The following PIGU variants were observed in gnomAD, a reference collection of about 807,000 sequenced individuals.
PIGU encodes phosphatidylinositol glycan anchor biosynthesis class U, also known as GPI-anchor transamidase component PIGU.
A neutral mutation model predicts 49.9 loss-of-function variants in PIGU; 24 were observed. The observed-to-expected ratio is 0.48, with a 90% CI of 0.35 to 0.68. The LOEUF is 0.68. PIGU is among the 30% of genes least tolerant of loss of function. PIGU has a pLI of 0.01. For synonymous variants in PIGU, 220 were observed against 205.7 expected (o/e 1.07, Z -0.59); for missense variants, 490 against 532.6 (o/e 0.92, Z 0.79).
intron 11 of PIGU, among the ~76,000 whole-genome samples, chr20:34,566,561 C>T (rs959982023): frequency 6.6e-6 from 1 of 152,178 alleles, no homozygotes; most frequent in African/African-American, 2.4e-5. Flanking sequence ...GATGGAGAGA[C>T]AGGGAAATGA....
At chr20:34,635,036 G>A (rs939233940) in intron 5 of PIGU, among the ~76,000 whole-genome samples, 2 of 152,212 alleles carry the variant, frequency 1.3e-5, no homozygotes, top group South Asian at 2.1e-4. Context: ...TCAAGAAGCA[G>A]CTGAGTCTCA....
At chr20:34,635,975 T>C (rs978742585) in intron 5 of PIGU, among the ~76,000 whole-genome samples, 4 of 151,698 alleles carry the variant, frequency 2.6e-5, no homozygotes, top group Non-Finnish European at 4.4e-5. Flanking sequence ...GGTGGATCAC[T>C]TGAGCTCGAG....
chr20:34,569,238 A>T (rs1022829090), intron 11 of PIGU, among the ~76,000 whole-genome samples: 6 of 151,968 alleles, frequency 3.9e-5, no homozygotes, highest in East Asian at 1.9e-4. Flanking sequence ...ATTAAAAAAA[A>T]TTTTTTTGAG....
rs752699065 is a variant in PIGU at position 34,575,236 on chromosome 20, G to A, written c.1062C>T (p.Asn354=). 7.4e-6 allele frequency: 12 copies of A among 1,613,942 alleles called. No individual in the cohort carries two copies. The highest frequency in any genetic ancestry group is 1.6e-4 in the Middle Eastern group (1 of 6,074). ...TGATGATGCAGGTGAGGACAAAGATGTTTCTCAGGACTGCAAAGACAGAGG... is the reference window on the plus strand; with the variant it reads ...TGATGATGCAGGTGAGGACAAAGATATTTCTCAGGACTGCAAAGACAGAGG... ...VWNHLYRFLR[N]IFVLTCIIIV... The change falls in exon 11 of 12, where the codon AAC becomes AAT. Residue 354 remains asparagine, a synonymous_variant. Coordinates refer to ENST00000217446, the MANE Select transcript of PIGU (RefSeq NM_080476.5).
At chr20:34,575,724 C>T (rs776033016) in intron 10 of PIGU, among the ~76,000 whole-genome samples, 1 of 152,194 alleles carries the variant, frequency 6.6e-6, no homozygotes, top group Non-Finnish European at 1.5e-5. Context: ...CTTAGGAACA[C>T]GTTTTCCATT....
intron 11 of PIGU, among the ~76,000 whole-genome samples, chr20:34,565,442 A>C (rs1982707057): frequency 6.6e-6 from 1 of 151,736 alleles, no homozygotes; most frequent in Non-Finnish European, 1.5e-5. Context: ...TTGTATTTTT[A>C]GTAGAGACGG....
Position 34,616,129 on chromosome 20 carries a change from G to A in PIGU, c.540C>T (p.Phe180=), listed in dbSNP as rs1336462738. The A allele has an allele frequency of 6.2e-7, 1 of 1,612,474 alleles. No homozygotes were observed. Among genetic ancestry groups the A allele is most frequent in the Non-Finnish European group, 8.5e-7 (1 of 1,179,412 alleles). ...FILTTIKGSA[F]LSAIFLALAT... is the part of the protein sequence containing the mutation. ...CTAAGGCAAGAAAAATAGCACTGAG[G>A]AAAGCACTGCCTGTAAAAAGAAAGA... Residue 180 remains phenylalanine, a synonymous_variant, in exon 7 of 12, where the codon TTC becomes TTT. Coordinates refer to ENST00000217446, the MANE Select transcript of PIGU (RefSeq NM_080476.5).
At chr20:34,607,225 C>T (rs1190198898) in intron 7 of PIGU, among the ~76,000 whole-genome samples, 4 of 152,184 alleles carry the variant, frequency 2.6e-5, no homozygotes, top group Non-Finnish European at 4.4e-5. Flanking sequence ...AGAAAAGGGC[C>T]GTTCCTGGCG....
At chr20:34,565,708 G>GACACACACACAC (rs138862528) in intron 11 of PIGU, among the ~76,000 whole-genome samples, 1 of 147,002 alleles carries the variant, frequency 6.8e-6, no homozygotes, top group Non-Finnish European at 1.5e-5. Flanking sequence ...CACCTCTCTG[G>GACACACACACAC]ACACACACAC....
At chr20:34,580,987 G>C (rs1267447023) in intron 10 of PIGU, among the ~76,000 whole-genome samples, 2 of 152,176 alleles carry the variant, frequency 1.3e-5, no homozygotes, top group African/African-American at 2.4e-5. Flanking sequence ...CCAGGGCATA[G>C]AGTTCTGCTG....
chr20:34,676,083 C>T (rs1187460605), intron 1 of PIGU, among the ~76,000 whole-genome samples: 3 of 150,802 alleles, frequency 2.0e-5, no homozygotes, highest in Non-Finnish European at 4.4e-5. Context: ...TGGCCTAAAC[C>T]TAGCTTCCAC....
intron 1 of PIGU, among the ~76,000 whole-genome samples, chr20:34,658,226 C>T (rs1396801749): frequency 1.3e-5 from 2 of 152,252 alleles, no homozygotes; most frequent in African/African-American, 2.4e-5. Context: ...AGCTCCTAAC[C>T]GCGAGTGATC....
Position 34,668,884 on chromosome 20 carries a change from T to A in PIGU, c.130+8072A>T, listed in dbSNP as rs868359341. Among the ~76,000 whole-genome samples the A allele has an allele frequency of 5.1e-3, 659 of 129,616 alleles. 13 individuals are homozygous for A. Among genetic ancestry groups the A allele is most frequent in the African/African-American group, 0.018 (635 of 34,436 alleles). 85.0% of individuals were successfully genotyped at this position (129,616 alleles called of 152,430 possible). ...TGGTAAAACTTTTTTTTTTTTTTTT[T>A]TTTTTTTTTTTTTTTTACACAGGGT... On this transcript the variant is annotated intron_variant, in intron 1 of 11. Transcript: ENST00000217446.
At chr20:34,638,018 A>C (rs767403124) in intron 4 of PIGU, 33 bp from the exon 5 acceptor site, 2 of 1,557,048 alleles carry the variant, frequency 1.3e-6, no homozygotes, top group Non-Finnish European at 1.7e-6. Context: ...AAGATAAAAC[A>C]CATGAAACAA....
At chr20:34,595,197 A>C (rs529904261) in intron 7 of PIGU, among the ~76,000 whole-genome samples, 2 of 152,222 alleles carry the variant, frequency 1.3e-5, no homozygotes, top group South Asian at 4.1e-4. Flanking sequence ...CCAGAAACTA[A>C]AGAGAAGACA....
rs532984102 is a variant in PIGU, at chr20:34,645,520, G to A, written c.196-186C>T. On this transcript the variant is annotated intron_variant, in intron 2 of 11. Transcript: ENST00000217446. ...TAGGGGAGAATAATTTAGTACTGCC[G>A]GACCATTTTGTGCTGCTGGGACTAT... 3.2e-4 allele frequency among the ~76,000 whole-genome samples: 49 copies of A among 152,190 alleles called. 1 individual carries two copies. The highest frequency in any genetic ancestry group is 1.9e-3 in the South Asian group (9 of 4,822).
At chr20:34,668,100 A>G (rs958211675) in intron 1 of PIGU, among the ~76,000 whole-genome samples, 3 of 152,182 alleles carry the variant, frequency 2.0e-5, no homozygotes, top group African/African-American at 7.2e-5. Context: ...TCAAAGTGTC[A>G]AGGTCATAAA....
chr20:34,664,381 T>A (rs952538925), intron 1 of PIGU, among the ~76,000 whole-genome samples: 5 of 152,310 alleles, frequency 3.3e-5, no homozygotes, highest in African/African-American at 9.6e-5. Context: ...AAAACATTTT[T>A]AAAAACCCTA....
chr20:34,579,872 CTA>C (rs1472385153), intron 10 of PIGU, among the ~76,000 whole-genome samples: 2 of 152,196 alleles, frequency 1.3e-5, no homozygotes, highest in Non-Finnish European at 2.9e-5. Context: ...GATCACGGAA[CTA>C]TGTGAGAGAC....
Sources: gnomAD v4.1 joint callset for allele counts (sites outside exome capture counted in the v4.1 genomes callset) on GRCh38, gnomAD v4.1.1 for gene constraint, MANE v1.5 for transcripts, NCBI Gene and HGNC (gene_info 2026-07-23, HGNC 2026-07-21) for gene names.